The following SBF2 variants were observed in gnomAD, a reference collection of about 807,000 sequenced individuals.
SBF2 encodes the protein SET binding factor 2, also known as myotubularin-related protein 13.
Under a neutral mutation model 225.2 loss-of-function variants are expected in SBF2, and 112 were observed. That is an observed-to-expected ratio of 0.50 (90% CI 0.43 to 0.58). The LOEUF (loss-of-function observed/expected upper bound fraction) is 0.58, where lower values mean the gene tolerates loss of function less well. SBF2 is among the 20% of genes least tolerant of loss of function. The pLI, the probability that SBF2 is intolerant of heterozygous loss-of-function variation, is 0.00. For missense variants in SBF2, 1,996 were observed against 2,206.2 expected (o/e 0.90, Z 1.91); for synonymous variants, 763 against 773.3 (o/e 0.99, Z 0.22).
chr11:9,992,484 A>C lies in SBF2; in HGVS notation c.1227T>G (p.Ser409Arg). Residue 409 changes from serine to arginine, a missense_variant, in exon 12 of 40, where the codon AGT becomes AGG. Coordinates refer to ENST00000256190, the MANE Select transcript of SBF2 (RefSeq NM_030962.4). ...VENDFLTKVL[S>R]GMAFAGFVSE... ...AAACAAAACCTGCAAATGCCATTCC[A>C]CTGAGTACTTTAGTGAGGAAATCAT... 6.2e-7 allele frequency: 1 copy of C among 1,613,388 alleles called. No individual in the cohort carries two copies. Among genetic ancestry groups the C allele is most frequent in the Non-Finnish European group, 8.5e-7 (1 of 1,179,532 alleles).
At chr11:9,935,473 AC>A (rs1418237765) in intron 16 of SBF2, among the ~76,000 whole-genome samples, 1 of 152,198 alleles carries the variant, frequency 6.6e-6, no homozygotes, top group East Asian at 1.9e-4. Flanking sequence ...TTCATATGGA[AC>A]CAAAAAAGGA....
chr11:9,849,100 A>G (rs183234241), intron 22 of SBF2, among the ~76,000 whole-genome samples: 243 of 152,342 alleles, frequency 1.6e-3, no homozygotes, highest in Non-Finnish European at 2.6e-3. Context: ...GGCTAAAGAA[A>G]TACACAGATG....
rs570090384 is a variant in SBF2 at position 10,060,261 on chromosome 11, C to A, written c.142-17280G>T. 2.0e-5 allele frequency among the ~76,000 whole-genome samples: 3 copies of A among 152,212 alleles called. No homozygotes were observed. The South Asian group carries it at 6.2e-4, about 32-fold the overall frequency. On this transcript the variant is annotated intron_variant, in intron 2 of 39. Transcript: ENST00000256190. ...ACTACTATGAACACCCCTCCGCACA[C>A]AAAAACTAGAAAACCTTGAAGAGAT... is the stretch of plus-strand genomic sequence containing the variant.
chr11:9,823,178 G>C (rs1002544799), intron 28 of SBF2, among the ~76,000 whole-genome samples: 1 of 152,108 alleles, frequency 6.6e-6, no homozygotes, highest in Non-Finnish European at 1.5e-5. Context: ...TTTCCCCATT[G>C]GGCTTAAATG....
chr11:10,144,266 T>C (rs868374437), intron 2 of SBF2, among the ~76,000 whole-genome samples: 21 of 152,144 alleles, frequency 1.4e-4, no homozygotes, highest in Admixed American at 3.9e-4. Flanking sequence ...AGTGGGCAGA[T>C]GGCTTGAGCC....
intron 14 of SBF2, among the ~76,000 whole-genome samples, chr11:9,966,966 G>A (rs1235182987): frequency 6.6e-6 from 1 of 152,162 alleles, no homozygotes. Context: ...AATGTTCACA[G>A]CAGCATTATT....
chr11:9,981,325 A>T (rs1241742715), intron 13 of SBF2, among the ~76,000 whole-genome samples: 1 of 152,206 alleles, frequency 6.6e-6, no homozygotes, highest in African/African-American at 2.4e-5. Flanking sequence ...GAGTAGGGAA[A>T]GGGGTGAAAA....
chr11:10,077,918 A>G (rs1951185793), intron 2 of SBF2, among the ~76,000 whole-genome samples: 1 of 152,234 alleles, frequency 6.6e-6, no homozygotes, highest in Non-Finnish European at 1.5e-5. Context: ...CAGAATCTAC[A>G]AAGAACTTAA....
chr11:9,813,669 C>T (rs1394426444), intron 29 of SBF2, among the ~76,000 whole-genome samples: 1 of 152,246 alleles, frequency 6.6e-6, no homozygotes, highest in East Asian at 1.9e-4. Context: ...TGGTCGGGCA[C>T]GGTGGCTCAT....
chr11:10,081,196 T>A (rs987215309), intron 2 of SBF2, among the ~76,000 whole-genome samples: 9 of 152,114 alleles, frequency 5.9e-5, no homozygotes, highest in Non-Finnish European at 7.4e-5. Context: ...CAATAAATTT[T>A]AAAAAAATCT....
At chr11:9,825,061 A>C (rs546362485) in intron 28 of SBF2, among the ~76,000 whole-genome samples, 24 of 152,288 alleles carry the variant, frequency 1.6e-4, no homozygotes, top group African/African-American at 4.3e-4. Context: ...TATGGCTGTA[A>C]TGGGTTGAAA....
At chr11:10,150,137 A>T (rs1005824469) in intron 2 of SBF2, among the ~76,000 whole-genome samples, 1 of 152,158 alleles carries the variant, frequency 6.6e-6, no homozygotes, top group Non-Finnish European at 1.5e-5. Context: ...GCATACTCTT[A>T]TCTATGCCAA....
chr11:10,022,424 A>C (rs1362827073), intron 6 of SBF2, among the ~76,000 whole-genome samples: 1 of 152,150 alleles, frequency 6.6e-6, no homozygotes, highest in Non-Finnish European at 1.5e-5. Context: ...TATGCACATA[A>C]AGGACATAAA....
intron 30 of SBF2, chr11:9,810,521 C>A (rs1195239209): frequency 5.9e-5 from 9 of 152,024 alleles, no homozygotes; most frequent in Admixed American, 5.9e-4. Flanking sequence ...TGAACAAGAA[C>A]AAAAATGAAA....
intron 2 of SBF2, among the ~76,000 whole-genome samples, chr11:10,135,772 T>C (rs572354248): frequency 2.6e-5 from 4 of 152,278 alleles, no homozygotes; most frequent in African/African-American, 9.6e-5. Context: ...GTCAAAGCCA[T>C]TCAACAAGTC....
At chr11:10,180,689 T>G (rs1164587333) in intron 2 of SBF2, among the ~76,000 whole-genome samples, 3 of 152,182 alleles carry the variant, frequency 2.0e-5, no homozygotes, top group Non-Finnish European at 4.4e-5. Flanking sequence ...ACCTCCTCTT[T>G]AAGGCCAATA....
At chr11:9,828,519 T>A (rs1046915211) in intron 28 of SBF2, 28 of 985,370 alleles carry the variant, frequency 2.8e-5, no homozygotes, top group African/African-American at 3.5e-5. Context: ...TATGTTGAGC[T>A]AATTCAAATA....
intron 16 of SBF2, among the ~76,000 whole-genome samples, chr11:9,908,469 CA>C (rs988854140): frequency 6.6e-6 from 1 of 151,024 alleles, no homozygotes; most frequent in Non-Finnish European, 1.5e-5. Flanking sequence ...ACTAAAAATG[CA>C]AAAAAAATTA....
At chr11:10,105,860 G>A (rs1269091220) in intron 2 of SBF2, among the ~76,000 whole-genome samples, 1 of 152,196 alleles carries the variant, frequency 6.6e-6, no homozygotes, top group Non-Finnish European at 1.5e-5. Context: ...GTGACAGAAA[G>A]CATATCAGTG....
Sources: allele counts gnomAD v4.1 joint callset (sites outside exome capture counted in the v4.1 genomes callset), GRCh38; gene constraint gnomAD v4.1.1; transcripts MANE v1.5; gene names NCBI Gene and HGNC (gene_info 2026-07-23, HGNC 2026-07-21).